Variants in MGA observed in about 807,000 individuals in gnomAD.
MGA encodes MAX dimerization protein MGA, also known as MAX gene-associated protein.
Under a neutral mutation model 261.1 loss-of-function variants are expected in MGA, and 40 were observed. The ratio of observed to expected loss-of-function variants is 0.15; its 90% CI spans 0.12 to 0.20. The LOEUF (loss-of-function observed/expected upper bound fraction) is 0.20. Among genes scored for constraint, MGA ranks in the 10% least tolerant of loss-of-function variants. MGA has a pLI of 1.00. For synonymous variants in MGA, 1,302 were observed against 1,290.6 expected, an observed-to-expected ratio of 1.01 and a Z score of -0.19; for missense variants, 3,397 against 3,630.5, an observed-to-expected ratio of 0.94 and a Z score of 1.65.
At chr15:41,649,379 CAAA>C (rs35806439) in intron 1 of MGA, among the ~76,000 whole-genome samples, 65 of 136,182 alleles carry the variant, frequency 4.8e-4, no homozygotes, top group Non-Finnish European at 5.4e-4. Context: ...GAGACTGTCT[CAAA>C]AAAAAAAAAA....
rs934387445 is a variant in MGA, at chr15:41,760,677, A to C, written c.7398+148A>C. 4.1e-6 allele frequency: 3 copies of C among 728,898 alleles called. No homozygotes were observed. The African/African-American group carries it at 5.3e-5, about 13-fold the overall frequency. The allele number at this position is 728,898 out of a possible 1,614,324, so 45.2% of individuals were successfully genotyped here. ...AATATGGACTAGTGAATGCCCAGTA[A>C]ATCCCTTAGGGGGAAAATCATTATG... On this transcript the variant is annotated intron_variant, in intron 20 of 23. Transcript: ENST00000219905.
At chr15:41,645,154 GTTA>G (rs1414861637) in intron 1 of MGA, among the ~76,000 whole-genome samples, 1 of 152,174 alleles carries the variant, frequency 6.6e-6, no homozygotes, top group Non-Finnish European at 1.5e-5. Flanking sequence ...ATGTTCATCT[GTTA>G]TTATTTATCT....
chr15:41,744,902 G>A (rs565794577), intron 15 of MGA, among the ~76,000 whole-genome samples: 3 of 152,090 alleles, frequency 2.0e-5, no homozygotes, highest in African/African-American at 7.2e-5. Flanking sequence ...TTATTGAGAC[G>A]GAGTCTCGCT....
intron 9 of MGA, among the ~76,000 whole-genome samples, chr15:41,714,699 C>A (rs1056243657): frequency 6.6e-6 from 1 of 152,002 alleles, no homozygotes; most frequent in African/African-American, 2.4e-5. Context: ...CACCATGTTG[C>A]GTAGGCTGGT....
rs564962698 is a variant in MGA at position 41,643,307 on chromosome 15, C to T, written c.-68+22009C>T. Among the ~76,000 whole-genome samples the T allele has an allele frequency of 7.7e-4, 117 of 151,344 alleles. 2 individuals carry two copies. The highest frequency in any genetic ancestry group is 2.6e-3 in the African/African-American group (107 of 41,256). On this transcript the variant is annotated intron_variant, in intron 1 of 8. Coordinates refer to the MGA transcript ENST00000566718. ...CCAGGCTGTAGTGCAGTGGCGTGACCTTGGCTCACTGCAACCTCCGCCTCC... is the reference window on the plus strand; with the variant it reads ...CCAGGCTGTAGTGCAGTGGCGTGACTTTGGCTCACTGCAACCTCCGCCTCC...
chr15:41,699,689 A>G (rs999929126), intron 5 of MGA, among the ~76,000 whole-genome samples: 1 of 152,134 alleles, frequency 6.6e-6, no homozygotes, highest in Non-Finnish European at 1.5e-5. Flanking sequence ...TTTTTAGTAG[A>G]GACGGTTTCA....
intron 1 of MGA, among the ~76,000 whole-genome samples, chr15:41,661,043 C>T (rs1489351756): frequency 6.6e-6 from 1 of 152,178 alleles, no homozygotes; most frequent in Non-Finnish European, 1.5e-5. Flanking sequence ...CCTGTGCAAA[C>T]GTCTTTTCTA....
intron 1 of MGA, among the ~76,000 whole-genome samples, chr15:41,652,255 G>A (rs1481899218): frequency 1.3e-5 from 2 of 149,968 alleles, no homozygotes; most frequent in African/African-American, 4.9e-5. Flanking sequence ...TTACAGGCGT[G>A]AGCCACCGTG....
chr15:41,636,204 T>C (rs921142624), intron 1 of MGA, among the ~76,000 whole-genome samples: 48 of 152,048 alleles, frequency 3.2e-4, no homozygotes, highest in African/African-American at 1.1e-3. Context: ...AGTGGGGTGA[T>C]TGAAGCTCAC....
chr15:41,662,721 T>C (rs953147639), intron 1 of MGA, among the ~76,000 whole-genome samples: 2 of 152,254 alleles, frequency 1.3e-5, no homozygotes, highest in African/African-American at 2.4e-5. Flanking sequence ...ACCCAGTGTT[T>C]ATTGGCTAAA....
intron 1 of MGA, among the ~76,000 whole-genome samples, chr15:41,632,906 G>GT (rs1453666991): frequency 6.6e-6 from 1 of 151,558 alleles, no homozygotes; most frequent in African/African-American, 2.4e-5. Context: ...AAATGGCTGT[G>GT]TTTCAGGAAA....
At chr15:41,760,551 C>T (rs766507803) in intron 20 of MGA, 22 bp downstream of exon 20, 2 of 1,608,006 alleles carry the variant, frequency 1.2e-6, no homozygotes, top group Non-Finnish European at 8.5e-7. Context: ...GTGTAAATGA[C>T]AGTAAGAGCT....
chr15:41,718,635 T>G, intron 9 of MGA: 1 of 289,562 alleles, frequency 3.5e-6, no homozygotes, highest in Non-Finnish European at 6.6e-6. Context: ...AATGCCAGTT[T>G]TGGTTGAGAT....
chr15:41,719,175 A>T (rs967443678), intron 9 of MGA, among the ~76,000 whole-genome samples: 1 of 152,232 alleles, frequency 6.6e-6, no homozygotes, highest in Non-Finnish European at 1.5e-5. Context: ...ACACTTAAGG[A>T]TAACTTTGAT....
At chr15:41,697,418 CTT>C (rs1204938099) in intron 3 of MGA, among the ~76,000 whole-genome samples, 14 of 132,810 alleles carry the variant, frequency 1.1e-4, no homozygotes, top group Admixed American at 2.3e-4. Flanking sequence ...TTTTTCTTTT[CTT>C]TTTTTTTTTT....
Position 41,632,514 on chromosome 15 carries a change from G to T in MGA, c.-68+11216G>T, listed in dbSNP as rs561377676. Reference sequence around the variant, plus strand: ...TTCAGAAGCAGCGGGTCCATTGGCCGTAAAGATCCAGGGCTAAAATTTGCC... The same window carrying T: ...TTCAGAAGCAGCGGGTCCATTGGCCTTAAAGATCCAGGGCTAAAATTTGCC... On this transcript the variant is annotated intron_variant, in intron 1 of 8. Coordinates refer to the MGA transcript ENST00000566718. 4.6e-5 allele frequency among the ~76,000 whole-genome samples: 7 copies of T among 152,254 alleles called. No individual in the cohort carries two copies. The South Asian group carries it at 1.5e-3, about 32-fold the overall frequency.
At chr15:41,695,996 C>CTTTTTTTTTTTTTTTTTTTT in intron 2 of MGA, 79 bp from the exon 3 acceptor site, 2 of 870,356 alleles carry the variant, frequency 2.3e-6, no homozygotes, top group Non-Finnish European at 3.4e-6. Flanking sequence ...TTCCTAACAT[C>CTTTTTTTTTTTTTTTTTTTT]TTTTTTTTTT....
chr15:41,749,027 C>G, intron 16 of MGA, 84 bp from the exon 17 acceptor site: 3 of 1,542,482 alleles, frequency 1.9e-6, no homozygotes, highest in Non-Finnish European at 2.6e-6. Context: ...TTAAGAGTTA[C>G]TTTTCCAAAA....
rs1270761913 is a variant in MGA at position 41,767,132 on chromosome 15, T to C, written c.9050T>C (p.Ile3017Thr). 2 of 1,614,002 alleles carry C rather than the reference T, an allele frequency of 1.2e-6. No homozygotes were observed. Among genetic ancestry groups the C allele is most frequent in the Admixed American group, 3.3e-5 (2 of 60,034 alleles). The change falls in exon 24 of 24, where the codon ATA (isoleucine) becomes ACA (threonine). Residue 3017 changes from isoleucine to threonine, a missense_variant. By Grantham distance (89) the Ile-to-Thr change is moderately conservative. Coordinates refer to ENST00000219905, the MANE Select transcript of MGA (RefSeq NM_001164273.2). ...AAGGTGATGCCTTGTTTGGCACCTA[T>C]AGCTGCCAAAGTTGGGTCAGTTGGA...
Sources: allele counts gnomAD v4.1 joint callset (sites outside exome capture counted in the v4.1 genomes callset), GRCh38; gene constraint gnomAD v4.1.1; transcripts MANE v1.5; gene names NCBI Gene and HGNC (gene_info 2026-07-23, HGNC 2026-07-21).